Variants in FHIT observed in about 807,000 individuals in gnomAD.
FHIT encodes fragile histidine triad diadenosine triphosphatase, also known as bis(5'-adenosyl)-triphosphatase.
FHIT carries 19 observed loss-of-function variants against 17.9 expected under a neutral mutation model. That is an observed-to-expected ratio of 1.06 (90% confidence interval 0.74 to 1.56). The LOEUF (loss-of-function observed/expected upper bound fraction) is 1.56, where lower values mean the gene tolerates loss of function less well. Among genes scored for constraint, FHIT ranks in the 40% most tolerant of loss-of-function variants. The pLI, the probability that FHIT is intolerant of heterozygous loss-of-function variation, is 0.00. For synonymous variants in FHIT, 81 were observed against 69.7 expected, an observed-to-expected ratio of 1.16 and a Z score of -0.81; for missense variants, 248 against 189.2, an observed-to-expected ratio of 1.31 and a Z score of -1.82.
chr3:60,503,060 A>G (rs1319759183), intron 5 of FHIT, among the ~76,000 whole-genome samples: 2 of 152,210 alleles, frequency 1.3e-5, no homozygotes, highest in Non-Finnish European at 2.9e-5. Flanking sequence ...TTAAGAACAT[A>G]GGTGTCAGAA....
intron 3 of FHIT, among the ~76,000 whole-genome samples, chr3:61,014,357 T>C (rs1024149310): frequency 2.0e-5 from 3 of 152,152 alleles, no homozygotes; most frequent in Non-Finnish European, 4.4e-5. Context: ...ATGAGGTATA[T>C]ATGCCTGGGG....
At chr3:60,091,718 G>C (rs1226227419) in intron 5 of FHIT, among the ~76,000 whole-genome samples, 2 of 152,068 alleles carry the variant, frequency 1.3e-5, no homozygotes, top group African/African-American at 2.4e-5. Flanking sequence ...AAGTTACCAT[G>C]AGATCTGGCT....
chr3:60,633,779 GCCCGTAC>G (rs1300412775), intron 4 of FHIT, among the ~76,000 whole-genome samples: 1 of 152,128 alleles, frequency 6.6e-6, no homozygotes, highest in African/African-American at 2.4e-5. Context: ...GAAAGCATGA[GCCCGTAC>G]CCAAGCACTG....
chr3:60,298,704 G>A (rs1456498748), intron 5 of FHIT, among the ~76,000 whole-genome samples: 1 of 152,058 alleles, frequency 6.6e-6, no homozygotes, highest in East Asian at 1.9e-4. Context: ...CTTTTTCTGT[G>A]GGAATTGATA....
At chr3:61,235,570 C>T (rs55981089) in intron 1 of FHIT, among the ~76,000 whole-genome samples, 14,148 of 151,960 alleles carry the variant, frequency 0.093, 2,223 homozygotes, top group African/African-American at 0.32. Context: ...GGTGCAGTGG[C>T]GCATGCCTGT....
chr3:60,446,361 C>T (rs1303056645), intron 5 of FHIT, among the ~76,000 whole-genome samples: 1 of 152,128 alleles, frequency 6.6e-6, no homozygotes, highest in East Asian at 1.9e-4. Flanking sequence ...TCATCCTACT[C>T]TCTGGCAGCC....
intron 1 of FHIT, among the ~76,000 whole-genome samples, chr3:61,208,960 G>T (rs1467182741): frequency 1.3e-5 from 2 of 152,010 alleles, no homozygotes; most frequent in African/African-American, 4.8e-5. Context: ...GGTACTGGTT[G>T]TTCCTTTCCA....
At chr3:60,479,150 T>C (rs1463381333) in intron 5 of FHIT, among the ~76,000 whole-genome samples, 2 of 152,194 alleles carry the variant, frequency 1.3e-5, no homozygotes, top group Admixed American at 6.5e-5. Flanking sequence ...GCAAGTATGA[T>C]CACATTATTG....
intron 3 of FHIT, among the ~76,000 whole-genome samples, chr3:61,014,315 A>C (rs930747969): frequency 1.3e-5 from 2 of 152,124 alleles, no homozygotes; most frequent in Non-Finnish European, 2.9e-5. Flanking sequence ...TCTGGCAAGC[A>C]TCACTATTTG....
intron 8 of FHIT, among the ~76,000 whole-genome samples, chr3:59,910,528 C>T (rs529994372): frequency 1.3e-5 from 2 of 152,196 alleles, no homozygotes; most frequent in Non-Finnish European, 2.9e-5. Context: ...GAAAATGAGT[C>T]TCTGGTCTCA....
chr3:61,159,550 G>A lies in FHIT; in HGVS notation c.-164+41067C>T, dbSNP rs555989047. On this transcript the variant is annotated intron_variant, in intron 2 of 9. Transcript: ENST00000492590. Reference sequence around the variant, plus strand: ...TTAAAATAATCCCATTAGTTGAAAAGTTCCTGGATACAAGGAGCAGCCATC... The same window carrying A: ...TTAAAATAATCCCATTAGTTGAAAAATTCCTGGATACAAGGAGCAGCCATC... 8.5e-5 allele frequency among the ~76,000 whole-genome samples: 13 copies of A among 152,276 alleles called. No individual in the cohort carries two copies. The East Asian group carries it at 2.5e-3, about 29-fold the overall frequency.
At chr3:60,210,768 G>C (rs1183333111) in intron 5 of FHIT, among the ~76,000 whole-genome samples, 2 of 152,002 alleles carry the variant, frequency 1.3e-5, no homozygotes, top group South Asian at 2.1e-4. Flanking sequence ...CAGACTTAGG[G>C]AACTAGGAAT....
intron 3 of FHIT, among the ~76,000 whole-genome samples, chr3:61,000,234 G>T (rs2030975465): frequency 6.6e-6 from 1 of 152,176 alleles, no homozygotes; most frequent in Admixed American, 6.5e-5. Context: ...ACAGCAAGTA[G>T]GGTGATAAGC....
intron 3 of FHIT, among the ~76,000 whole-genome samples, chr3:61,005,176 T>C (rs1240855341): frequency 6.6e-6 from 1 of 152,262 alleles, no homozygotes; most frequent in Non-Finnish European, 1.5e-5. Context: ...ATGTTGCCTA[T>C]AATTATTGCT....
At chr3:61,171,993 A>G (rs1471594487) in intron 2 of FHIT, among the ~76,000 whole-genome samples, 1 of 152,210 alleles carries the variant, frequency 6.6e-6, no homozygotes, top group Non-Finnish European at 1.5e-5. Context: ...ACGGGGGAAA[A>G]GAAATTTTGT....
intron 7 of FHIT, among the ~76,000 whole-genome samples, chr3:59,937,633 T>C (rs1000053074): frequency 4.6e-5 from 7 of 152,220 alleles, no homozygotes; most frequent in African/African-American, 1.7e-4. Context: ...CACCATTTTA[T>C]GATTTGCTAT....
chr3:60,786,076 C>A (rs1162318822), intron 4 of FHIT, among the ~76,000 whole-genome samples: 2 of 152,078 alleles, frequency 1.3e-5, no homozygotes, highest in African/African-American at 4.8e-5. Context: ...GTATTGAAAT[C>A]AGAATAAAAA....
intron 5 of FHIT, among the ~76,000 whole-genome samples, chr3:60,073,285 T>C (rs1016521448): frequency 2.0e-5 from 3 of 152,072 alleles, no homozygotes; most frequent in African/African-American, 7.2e-5. Context: ...ATATGTCACA[T>C]TTTAAGTCTG....
chr3:60,714,345 C>A (rs2041623079), intron 4 of FHIT, among the ~76,000 whole-genome samples: 1 of 152,018 alleles, frequency 6.6e-6, no homozygotes, highest in Non-Finnish European at 1.5e-5. Flanking sequence ...TGGGCAAAAA[C>A]CGGAAGCATT....
Sources: gnomAD v4.1 joint callset for allele counts (sites outside exome capture counted in the v4.1 genomes callset) on GRCh38, gnomAD v4.1.1 for gene constraint, MANE v1.5 for transcripts, NCBI Gene and HGNC (gene_info 2026-07-23, HGNC 2026-07-21) for gene names.